Variants in PLEKHA6 observed in about 807,000 individuals in gnomAD.
PLEKHA6 encodes the protein pleckstrin homology domain-containing family A member 6.
Under a neutral mutation model 116.7 loss-of-function variants are expected in PLEKHA6, and 60 were observed. The ratio of observed to expected loss-of-function variants is 0.51; its 90% CI spans 0.42 to 0.64. The LOEUF is 0.64. PLEKHA6 is among the 30% of genes least tolerant of loss of function. PLEKHA6 has a pLI of 0.00. For synonymous variants in PLEKHA6, 489 were observed against 556.1 expected, an observed-to-expected ratio of 0.88 and a Z score of 1.70; for missense variants, 1,338 against 1,422.7, an observed-to-expected ratio of 0.94 and a Z score of 0.96.
chr1:204,352,566 G>C (rs1673313797), intron 1 of PLEKHA6, among the ~76,000 whole-genome samples: 1 of 152,066 alleles, frequency 6.6e-6, no homozygotes, highest in African/African-American at 2.4e-5. Context: ...TTCTGCCTTG[G>C]GGAACCTCCT....
At chr1:204,278,986 G>A (rs541935907) in intron 1 of PLEKHA6, among the ~76,000 whole-genome samples, 1 of 152,080 alleles carries the variant, frequency 6.6e-6, no homozygotes, top group South Asian at 2.1e-4. Context: ...CTCTCCATGA[G>A]AGAAGCTTTG....
rs377321583 is a variant in PLEKHA6, at chr1:204,250,601, G to T, written c.1538C>A (p.Pro513Gln). 2 of 1,612,204 alleles carry T rather than the reference G, an allele frequency of 1.2e-6. No individual in the cohort carries two copies. Among genetic ancestry groups the T allele is most frequent in the Non-Finnish European group, 1.7e-6 (2 of 1,178,982 alleles). The change falls in exon 10 of 23, where the codon CCA becomes CAA. Residue 513 changes from proline to glutamine, a missense_variant. Coordinates refer to ENST00000272203, the MANE Select transcript of PLEKHA6 (RefSeq NM_014935.5). The part of the protein sequence containing the change: ...SISSPKVPPY[P>Q]EVFRDSLHTY... ...GTGGAGGCTGTCCCGGAACACTTCT[G>T]GGTATGGAGGGACCTGCAGGAACAT...
At chr1:204,363,939 C>G (rs1284721675), upstream of PLEKHA6, among the ~76,000 whole-genome samples, 1 of 152,176 alleles carries the variant, frequency 6.6e-6, no homozygotes, top group African/African-American at 2.4e-5. Context: ...ACCACTCTTC[C>G]CAGTAAATGA....
At chr1:204,344,697 T>C (rs1672971250) in intron 1 of PLEKHA6, among the ~76,000 whole-genome samples, 1 of 152,126 alleles carries the variant, frequency 6.6e-6, no homozygotes, top group South Asian at 2.1e-4. Context: ...TTAATTATAC[T>C]GCAGACCAGT....
chr1:204,359,816 AG>A lies in PLEKHA6; in HGVS notation c.-218del, dbSNP rs1197473207. On this transcript the variant is annotated 5_prime_UTR_variant, in exon 1 of 23. Transcript: ENST00000272203. ...CCGCCCCTGGGGCCCCCTTCTGCAG[AG>A]CGGGGCTCCGGATCTAATCTGATCT... is the stretch of plus-strand genomic sequence containing the variant. 2.7e-6 allele frequency: 1 copy of A among 376,832 alleles called. No homozygotes were observed. The highest frequency in any genetic ancestry group is 3.7e-6 in the Non-Finnish European group (1 of 273,302). The allele number at this position is 376,832 out of a possible 1,614,324, so 23.3% of individuals were successfully genotyped here.
chr1:204,349,033 C>T (rs1172204627), intron 1 of PLEKHA6, among the ~76,000 whole-genome samples: 2 of 152,212 alleles, frequency 1.3e-5, no homozygotes, highest in South Asian at 2.1e-4. Flanking sequence ...GGCTGACTCC[C>T]CTCAGACACG....
At chr1:204,362,584 G>T (rs1673581421), upstream of PLEKHA6, among the ~76,000 whole-genome samples, 3 of 152,166 alleles carry the variant, frequency 2.0e-5, no homozygotes, top group Non-Finnish European at 2.9e-5. Context: ...CCAACTAGGG[G>T]CAGCAAAGGG....
intron 1 of PLEKHA6, among the ~76,000 whole-genome samples, chr1:204,349,323 G>T (rs111321031): frequency 6.6e-6 from 1 of 152,050 alleles, no homozygotes; most frequent in East Asian, 1.9e-4. Flanking sequence ...CGGATCACTT[G>T]AGGTCAGGAG....
chr1:204,344,974 TAATGCCTGGAGAAG>T (rs1672981243), intron 1 of PLEKHA6, among the ~76,000 whole-genome samples: 1 of 152,154 alleles, frequency 6.6e-6, no homozygotes, highest in Admixed American at 6.5e-5. Context: ...GCCCCAAGCA[TAATGCCTGGAGAAG>T]GTGGGGAAAG....
At chr1:204,273,502 C>T in intron 3 of PLEKHA6, 124 bp downstream of exon 3, 1 of 706,464 alleles carries the variant, frequency 1.4e-6, no homozygotes, top group Non-Finnish European at 2.5e-6. Flanking sequence ...GGTCACCTTG[C>T]CTACTCTTGG....
chr1:204,340,761 G>A (rs1157010153), intron 1 of PLEKHA6, among the ~76,000 whole-genome samples: 4 of 152,204 alleles, frequency 2.6e-5, no homozygotes, highest in Non-Finnish European at 4.4e-5. Context: ...AGGCCTCAGA[G>A]GTGCTGTTGC....
rs776285412 is a variant in PLEKHA6, at chr1:204,228,049, C to T, written c.3031+34G>A. The T allele has an allele frequency of 2.5e-6, 4 of 1,604,568 alleles. No individual in the cohort carries two copies. The South Asian group carries it at 4.4e-5, about 18-fold the overall frequency. On this transcript the variant is annotated intron_variant, in intron 21 of 22. Transcript: ENST00000272203. The surrounding 1 kb of genome is among the most constrained non-coding windows in gnomAD (Gnocchi z 4.0). ...CCTTAAACCTGGTCAGCTGGTTTCC[C>T]TGGCAGGGTGGAGCGAGGCCCAGCC...
Position 204,244,982 on chromosome 1 carries a change from G to A in PLEKHA6, c.2054C>T (p.Thr685Ile). Residue 685 changes from threonine (T) to isoleucine (I), a missense_variant, in exon 15 of 23, where the codon ACC becomes ATC. By Grantham distance (89) the Thr-to-Ile change is moderately conservative. Transcript: ENST00000272203. ...GCTGGCCGGGCTGTTGGAGCTGTAG[G>A]TGGCTGAGGGGCCAAGTCCTCCTTG... ...KHRGGLGPSA[T>I]YSSNSPASPL... 6.9e-7 allele frequency: 1 copy of A among 1,448,044 alleles called. No homozygotes were observed. Among genetic ancestry groups the A allele is most frequent in the Non-Finnish European group, 9.1e-7 (1 of 1,099,272 alleles). The allele number at this position is 1,448,044 out of a possible 1,614,324, so 89.7% of individuals were successfully genotyped here.
intron 3 of PLEKHA6, among the ~76,000 whole-genome samples, chr1:204,367,152 C>T (rs1673678955): frequency 6.6e-6 from 1 of 152,212 alleles, no homozygotes; most frequent in Admixed American, 6.5e-5. Context: ...TGCACCACCC[C>T]AGCCCAAAGA....
At chr1:204,282,302 C>G (rs1424260734) in intron 1 of PLEKHA6, among the ~76,000 whole-genome samples, 2 of 152,170 alleles carry the variant, frequency 1.3e-5, no homozygotes, top group African/African-American at 4.8e-5. Flanking sequence ...GACCTCCCAC[C>G]CTAGCTTGGT....
At chr1:204,236,031 A>G (rs1217360099) in intron 17 of PLEKHA6, among the ~76,000 whole-genome samples, 1 of 152,214 alleles carries the variant, frequency 6.6e-6, no homozygotes, top group Non-Finnish European at 1.5e-5. Flanking sequence ...AGTGTGACCC[A>G]TGAGGAGGTA....
chr1:204,249,226 C>T lies in PLEKHA6; in HGVS notation c.1632G>A (p.Val544=), dbSNP rs1333528549. The T allele has an allele frequency of 5.0e-6, 8 of 1,613,926 alleles. No individual in the cohort carries two copies. In the African/African-American group the frequency reaches 6.7e-5, roughly 13 times the overall value. The change falls in exon 11 of 23, where the codon GTG becomes GTA. Residue 544 remains valine (V), a synonymous_variant. Transcript: ENST00000272203. Reference sequence around the variant, plus strand: ...GCTGCACCAGCCGGTCCTGCTCCCTCACCACCTTGTTCTGCTCACACAATT... The same window carrying T: ...GCTGCACCAGCCGGTCCTGCTCCCTTACCACCTTGTTCTGCTCACACAATT... The part of the protein sequence containing the change: ...LGKLCEQNKV[V]REQDRLVQQL...
intron 1 of PLEKHA6, among the ~76,000 whole-genome samples, chr1:204,305,079 A>T (rs190175558): frequency 6.6e-6 from 1 of 152,280 alleles, no homozygotes; most frequent in East Asian, 1.9e-4. Context: ...TGAGGAAAAA[A>T]AGTATGCCTC....
At chr1:204,280,655 C>T (rs1253299929) in intron 1 of PLEKHA6, among the ~76,000 whole-genome samples, 1 of 152,186 alleles carries the variant, frequency 6.6e-6, no homozygotes, top group Non-Finnish European at 1.5e-5. Context: ...TCCCAGCTAG[C>T]AAATTCCAAG....
Sources: allele counts gnomAD v4.1 joint callset (sites outside exome capture counted in the v4.1 genomes callset), GRCh38; gene constraint gnomAD v4.1.1; non-coding constraint Gnocchi (gnomAD v3.1); transcripts MANE v1.5; gene names NCBI Gene and HGNC (gene_info 2026-07-23, HGNC 2026-07-21).